The following CDH18 variants were observed in gnomAD, a reference collection of about 807,000 sequenced individuals.
CDH18 encodes cadherin 18.
Under a neutral mutation model 67.9 loss-of-function variants are expected in CDH18, and 31 were observed. The ratio of observed to expected loss-of-function variants is 0.46; its 90% CI spans 0.34 to 0.62. The LOEUF (loss-of-function observed/expected upper bound fraction) is 0.62, where lower values mean the gene tolerates loss of function less well. Ranked by LOEUF, CDH18 falls within the 20% of genes least tolerant of loss-of-function variation. The pLI is 0.01. For synonymous variants in CDH18, 362 were observed against 347.2 expected, an observed-to-expected ratio of 1.04 and a Z score of -0.48; for missense variants, 890 against 975.5, an observed-to-expected ratio of 0.91 and a Z score of 1.17.
intron 1 of CDH18, among the ~76,000 whole-genome samples, chr5:20,392,413 C>T (rs970824535): frequency 1.3e-4 from 20 of 151,708 alleles, no homozygotes; most frequent in African/African-American, 4.8e-4. Context: ...ATCCAATGGT[C>T]CCTATCTCTT....
intron 3 of CDH18, among the ~76,000 whole-genome samples, chr5:19,831,574 A>T (rs1781036560): frequency 6.6e-6 from 1 of 152,144 alleles, no homozygotes. Context: ...ACCAGTCAGA[A>T]TGGCTATCAT....
intron 1 of CDH18, among the ~76,000 whole-genome samples, chr5:20,416,965 T>C (rs556904063): frequency 2.3e-4 from 35 of 152,246 alleles, no homozygotes; most frequent in African/African-American, 8.4e-4. Context: ...AAGTTATTCC[T>C]AGGAAAAAGC....
At chr5:20,488,693 A>G (rs1753373616) in intron 1 of CDH18, among the ~76,000 whole-genome samples, 2 of 132,458 alleles carry the variant, frequency 1.5e-5, no homozygotes, top group Non-Finnish European at 3.3e-5. Context: ...ATATATATAT[A>G]TATATATACA....
intron 2 of CDH18, among the ~76,000 whole-genome samples, chr5:19,949,065 T>C (rs2150256503): frequency 1.3e-5 from 2 of 152,228 alleles, no homozygotes; most frequent in Middle Eastern, 6.8e-3. Flanking sequence ...CGAATAAAAG[T>C]AAGCACAGCT....
intron 9 of CDH18, among the ~76,000 whole-genome samples, chr5:19,535,321 G>A (rs1379072391): frequency 6.6e-6 from 1 of 152,188 alleles, no homozygotes; most frequent in Non-Finnish European, 1.5e-5. Flanking sequence ...CGCGAGCTAA[G>A]TAAAAGTGCT....
chr5:20,453,730 C>T lies in CDH18; in HGVS notation c.-580+121732G>A, dbSNP rs1054402882. 3.9e-5 allele frequency among the ~76,000 whole-genome samples: 6 copies of T among 151,958 alleles called. 1 individual carries two copies. In the South Asian group the frequency reaches 1.2e-3, roughly 32 times the overall value. ...GCTCTGATCCTGATGAGTTTACCAGCGTGGAATTAACAGCTCAGCTGTCAT... is the reference window on the plus strand; with the variant it reads ...GCTCTGATCCTGATGAGTTTACCAGTGTGGAATTAACAGCTCAGCTGTCAT... On this transcript the variant is annotated intron_variant, in intron 1 of 14. Transcript: ENST00000507958.
chr5:20,121,308 A>C (rs533190595), intron 2 of CDH18, among the ~76,000 whole-genome samples: 1 of 152,354 alleles, frequency 6.6e-6, no homozygotes, highest in African/African-American at 2.4e-5. Flanking sequence ...CAAGTCATTG[A>C]GGCTACAGGA....
At chr5:20,333,085 A>G (rs1481013133) in intron 1 of CDH18, among the ~76,000 whole-genome samples, 3 of 152,164 alleles carry the variant, frequency 2.0e-5, no homozygotes, top group Non-Finnish European at 4.4e-5. Context: ...GAACAAAACA[A>G]TATTATTGGA....
intron 2 of CDH18, among the ~76,000 whole-genome samples, chr5:19,902,431 G>A (rs1790039022): frequency 6.6e-6 from 1 of 152,070 alleles, no homozygotes; most frequent in Non-Finnish European, 1.5e-5. Flanking sequence ...AGCTGCCCTT[G>A]TGGAAGTGGC....
chr5:20,289,781 C>G (rs940493012), intron 1 of CDH18, among the ~76,000 whole-genome samples: 1 of 151,912 alleles, frequency 6.6e-6, no homozygotes, highest in South Asian at 2.1e-4. Flanking sequence ...AGATCAGATA[C>G]ACATTAAACT....
intron 4 of CDH18, among the ~76,000 whole-genome samples, chr5:19,730,674 A>G (rs1767467733): frequency 6.6e-6 from 1 of 152,126 alleles, no homozygotes; most frequent in African/African-American, 2.4e-5. Flanking sequence ...ACCTATGTGG[A>G]CAATCTGTGG....
intron 1 of CDH18, chr5:20,305,270 TA>T (rs1355577552): frequency 1.4e-6 from 2 of 1,445,704 alleles, no homozygotes; most frequent in Non-Finnish European, 1.9e-6. Flanking sequence ...ACTAAACCTT[TA>T]AAACTTTTAA....
intron 5 of CDH18, among the ~76,000 whole-genome samples, chr5:19,711,862 T>C (rs184978325): frequency 5.9e-5 from 9 of 152,158 alleles, no homozygotes; most frequent in Admixed American, 5.9e-4. Flanking sequence ...AGCATATCTA[T>C]ACCCATATGT....
intron 2 of CDH18, among the ~76,000 whole-genome samples, chr5:20,175,952 C>T (rs932149354): frequency 3.9e-5 from 6 of 152,142 alleles, no homozygotes; most frequent in African/African-American, 1.2e-4. Context: ...CAGTATTAAC[C>T]ATTACAAGCT....
In CDH18 at chr5:19,674,911, A is replaced by G. The variant is rs116120042; in HGVS notation, c.643+46436T>C. On this transcript the variant is annotated intron_variant, in intron 5 of 12. Transcript: ENST00000382275. ...AAAACAATACAAGAGATAAAAGAAGAAACGGTCATTTATCACGGGAAATTC... is the reference window on the plus strand; with the variant it reads ...AAAACAATACAAGAGATAAAAGAAGGAACGGTCATTTATCACGGGAAATTC... 7.5e-3 allele frequency among the ~76,000 whole-genome samples: 1,137 copies of G among 152,280 alleles called. 15 individuals carry two copies. Among genetic ancestry groups the G allele is most frequent in the African/African-American group, 0.026 (1,077 of 41,570 alleles).
intron 12 of CDH18, among the ~76,000 whole-genome samples, chr5:19,475,160 C>A (rs1347521328): frequency 6.6e-6 from 1 of 151,662 alleles, no homozygotes; most frequent in African/African-American, 2.4e-5. Context: ...TGGCAGGATT[C>A]TCAATTAAAC....
intron 3 of CDH18, among the ~76,000 whole-genome samples, chr5:19,764,010 A>AAAAAAAAAAAT: frequency 6.8e-6 from 1 of 147,586 alleles, no homozygotes; most frequent in African/African-American, 2.5e-5. Flanking sequence ...AAAAAAAAAA[A>AAAAAAAAAAAT]AAAAAAAATT....
intron 2 of CDH18, among the ~76,000 whole-genome samples, chr5:20,077,272 T>TAA (rs1045302918): frequency 6.6e-6 from 1 of 152,226 alleles, no homozygotes; most frequent in African/African-American, 2.4e-5. Flanking sequence ...TACACTTTTA[T>TAA]AAACCTTGGC....
chr5:20,213,170 T>C (rs927050311), intron 2 of CDH18, among the ~76,000 whole-genome samples: 1 of 152,124 alleles, frequency 6.6e-6, no homozygotes, highest in Admixed American at 6.6e-5. Context: ...TTACGTAACT[T>C]ACTTTAAATA....
Sources: allele counts gnomAD v4.1 joint callset (sites outside exome capture counted in the v4.1 genomes callset), GRCh38; gene constraint gnomAD v4.1.1; transcripts MANE v1.5; gene names NCBI Gene and HGNC (gene_info 2026-07-23, HGNC 2026-07-21).